Variants in CCDC73 observed in about 807,000 individuals in gnomAD.
The protein encoded by CCDC73 is coiled-coil domain-containing protein 73.
A neutral mutation model predicts 116.5 loss-of-function variants in CCDC73; 95 were observed. The ratio of observed to expected loss-of-function variants is 0.82; its 90% CI spans 0.69 to 0.97. The LOEUF (loss-of-function observed/expected upper bound fraction) is 0.97. CCDC73 is among the 50% of genes least tolerant of loss of function. CCDC73 has a pLI of 0.00. For missense variants in CCDC73, 1,066 were observed against 1,206.8 expected (o/e 0.88, Z 1.73); for synonymous variants, 398 against 401.3 (o/e 0.99, Z 0.10).
chr11:32,689,315 C>CA (rs1856232857), intron 6 of CCDC73, among the ~76,000 whole-genome samples: 1 of 151,970 alleles, frequency 6.6e-6, no homozygotes, highest in Non-Finnish European at 1.5e-5. Flanking sequence ...GAAGCAAATG[C>CA]AAAAGAGCTC....
chr11:32,770,701 T>C (rs1486634790), intron 1 of CCDC73, among the ~76,000 whole-genome samples: 2 of 152,158 alleles, frequency 1.3e-5, no homozygotes, highest in African/African-American at 4.8e-5. Context: ...CCTAATCAAA[T>C]TGTGGATCTG....
intron 2 of CCDC73, among the ~76,000 whole-genome samples, chr11:32,718,429 G>A (rs980649852): frequency 6.6e-6 from 1 of 152,150 alleles, no homozygotes; most frequent in African/African-American, 2.4e-5. Context: ...AAGCTTCAAC[G>A]AAAAGTCCTT....
intron 17 of CCDC73, chr11:32,605,875 A>C (rs1024344187): frequency 5.9e-5 from 9 of 152,036 alleles, no homozygotes; most frequent in African/African-American, 1.9e-4. Flanking sequence ...GAAATTTATC[A>C]CCTGTTTCTC....
intron 14 of CCDC73, among the ~76,000 whole-genome samples, chr11:32,629,504 G>A (rs1855608573): frequency 6.6e-6 from 1 of 151,374 alleles, no homozygotes; most frequent in Middle Eastern, 3.2e-3. Flanking sequence ...GGGTTCAAGC[G>A]TTCTCCTGCC....
chr11:32,795,005 T>A (rs939451970), upstream of CCDC73, among the ~76,000 whole-genome samples: 48 of 151,356 alleles, frequency 3.2e-4, no homozygotes, highest in Admixed American at 1.8e-3. Context: ...ATTCGTTTTT[T>A]AAAAAAAAAG....
At chr11:32,647,555 T>G (rs1313543027) in intron 12 of CCDC73, among the ~76,000 whole-genome samples, 1 of 152,226 alleles carries the variant, frequency 6.6e-6, no homozygotes, top group Admixed American at 6.5e-5. Context: ...GGTATTAAAA[T>G]GCTGGCTGAA....
At chr11:32,624,299 T>A (rs887029353) in intron 14 of CCDC73, among the ~76,000 whole-genome samples, 2 of 151,954 alleles carry the variant, frequency 1.3e-5, no homozygotes, top group African/African-American at 4.8e-5. Flanking sequence ...GAGATGATGC[T>A]GTTACACTCC....
chr11:32,696,683 G>A (rs11031938), intron 6 of CCDC73, among the ~76,000 whole-genome samples: 88,475 of 151,672 alleles, frequency 0.58, 26,117 homozygotes, highest in East Asian at 0.84. Flanking sequence ...CAATCCATCC[G>A]CCCAAAATGC....
intron 14 of CCDC73, among the ~76,000 whole-genome samples, chr11:32,629,742 T>C (rs1855611997): frequency 1.7e-5 from 2 of 120,050 alleles, no homozygotes; most frequent in African/African-American, 3.3e-5. Flanking sequence ...AGAATTGTCA[T>C]AGACCTCTTG....
At chr11:32,729,786 C>G (rs1041757638) in intron 2 of CCDC73, among the ~76,000 whole-genome samples, 10 of 152,194 alleles carry the variant, frequency 6.6e-5, no homozygotes, top group Non-Finnish European at 1.5e-4. Flanking sequence ...TTCCCCTTGG[C>G]TTATTTGTCA....
intron 7 of CCDC73, chr11:32,683,208 A>G (rs1247860464): frequency 3.3e-6 from 1 of 304,270 alleles, no homozygotes; most frequent in Non-Finnish European, 6.3e-6. Flanking sequence ...AAAAATCTAA[A>G]GTCCAAAATA....
rs757408226 is a variant in CCDC73, at chr11:32,603,034, A to G, written c.3031-14T>C. On this transcript the variant is annotated splice_polypyrimidine_tract_variant and intron_variant, in intron 17 of 17. Coordinates refer to ENST00000335185, the MANE Select transcript of CCDC73 (RefSeq NM_001008391.4). ...CTTTGTTTTCACCTGGGAAAGATAAACTAATTTTACCTTCGAAATTATTAT... is the reference window on the plus strand; with the variant it reads ...CTTTGTTTTCACCTGGGAAAGATAAGCTAATTTTACCTTCGAAATTATTAT... 2 of 1,569,972 alleles carry G rather than the reference A, an allele frequency of 1.3e-6. No homozygotes were observed. The highest frequency in any genetic ancestry group is 4.0e-5 in the Admixed American group (2 of 49,982).
At chr11:32,763,444 C>T (rs570287002) in intron 1 of CCDC73, among the ~76,000 whole-genome samples, 6 of 152,326 alleles carry the variant, frequency 3.9e-5, no homozygotes, top group East Asian at 1.9e-4. Context: ...CAGCAATATT[C>T]GCTGTTCTGC....
At chr11:32,803,734 TTAAC>T in the CCDC73 span, among the ~76,000 whole-genome samples, 4 of 152,238 alleles carry the variant, frequency 2.6e-5, no homozygotes, top group South Asian at 2.1e-4. Flanking sequence ...CTGGATATCT[TTAAC>T]TAAATTATGA....
intron 1 of CCDC73, among the ~76,000 whole-genome samples, chr11:32,776,997 A>ATATATATATATATACACATG (rs1554970210): frequency 1.1e-4 from 8 of 74,432 alleles, no homozygotes; most frequent in African/African-American, 3.4e-4. Flanking sequence ...ATGTATATAT[A>ATATATATATATATACACATG]TATATATATA....
intron 2 of CCDC73, among the ~76,000 whole-genome samples, chr11:32,738,742 G>A (rs1351434632): frequency 1.3e-5 from 2 of 151,986 alleles, no homozygotes; most frequent in Non-Finnish European, 2.9e-5. Flanking sequence ...TGGTTCCTGT[G>A]CTTCTGGGTA....
At chr11:32,625,255 A>C (rs2133232114) in intron 14 of CCDC73, among the ~76,000 whole-genome samples, 1 of 152,234 alleles carries the variant, frequency 6.6e-6, no homozygotes, top group East Asian at 1.9e-4. Flanking sequence ...TGTGTCTTTT[A>C]ATTGGAGTAT....
chr11:32,741,583 G>A lies in CCDC73; in HGVS notation c.135+18526C>T, dbSNP rs533898603. On this transcript the variant is annotated intron_variant, in intron 2 of 17. Transcript: ENST00000335185. ...GTCTATGTGTGACTTTATAGGTGAA[G>A]TGTGTCTCTTGTAGGTAACAGATTG... Among the ~76,000 whole-genome samples, 8 of 151,812 alleles carry A rather than the reference G, an allele frequency of 5.3e-5. No individual in the cohort carries two copies. The East Asian group carries it at 9.7e-4, about 18-fold the overall frequency.
At chr11:32,665,621 G>A (rs11529894) in intron 9 of CCDC73, among the ~76,000 whole-genome samples, 7,428 of 152,194 alleles carry the variant, frequency 0.049, 214 homozygotes, top group East Asian at 0.12. Flanking sequence ...CAATTTGCCA[G>A]TCTGTGTCTT....
Sources: allele counts gnomAD v4.1 joint callset (sites outside exome capture counted in the v4.1 genomes callset), GRCh38; gene constraint gnomAD v4.1.1; transcripts MANE v1.5; gene names NCBI Gene and HGNC (gene_info 2026-07-23, HGNC 2026-07-21).